FAM98B: variants seen among roughly 807,000 people sequenced by gnomAD.
FAM98B encodes the protein tRNA-splicing ligase complex subunit FAM98B.
A neutral mutation model predicts 43.9 loss-of-function variants in FAM98B; 32 were observed. That is an observed-to-expected ratio of 0.73 (90% CI 0.55 to 0.98). The LOEUF (loss-of-function observed/expected upper bound fraction) is 0.98. Among genes scored for constraint, FAM98B ranks in the 50% least tolerant of loss-of-function variants. The probability of loss-of-function intolerance (pLI) is 0.00; values close to 1 mark genes in which losing one functional copy is unlikely to be tolerated. For missense variants in FAM98B, 514 were observed against 522.9 expected (o/e 0.98, Z 0.17); for synonymous variants, 190 against 174.0 (o/e 1.09, Z -0.72).
chr15:38,481,765 C>T (rs970672622), intron 7 of FAM98B: 7 of 751,638 alleles, frequency 9.3e-6, no homozygotes, highest in Non-Finnish European at 1.4e-5. Context: ...AAGAATCTTT[C>T]GGAATTGTTT....
At position 38,484,312 on chromosome 15, in the gene FAM98B, C is replaced by T; in HGVS notation, c.955C>T (p.Pro319Ser). ...CCGGCCGAATGAAATTGAACCACCA[C>T]CTCCAGAAATGCCCCCTTGGCAAAA... ...GGRPNEIEPPPPEMPPWQKRQ... is the reference protein window; with the variant it reads ...GGRPNEIEPPSPEMPPWQKRQ... The change falls in exon 8 of 8, where the codon CCT (proline) becomes TCT (serine). Residue 319 changes from proline (P) to serine (S), a missense_variant. Around this residue, in one of 2 missense-constraint regions of FAM98B, gnomAD observed 469 missense variants for 451.8 expected, o/e 1.04. Transcript: ENST00000397609. The T allele has an allele frequency of 6.5e-7, 1 of 1,547,820 alleles. No individual in the cohort carries two copies. Among genetic ancestry groups the T allele is most frequent in the Non-Finnish European group, 8.7e-7 (1 of 1,146,454 alleles).
intron 6 of FAM98B, 33 bp downstream of exon 6, chr15:38,474,331 TG>T (rs1041976077): frequency 6.8e-7 from 1 of 1,461,708 alleles, no homozygotes; most frequent in African/African-American, 1.4e-5. Flanking sequence ...GTCCTGTAGG[TG>T]GTAGCCTATA....
At chr15:38,459,541 C>T (rs542584922) in intron 1 of FAM98B, 36 of 281,600 alleles carry the variant, frequency 1.3e-4, no homozygotes, top group South Asian at 1.1e-3. Context: ...TGTGCTCCAT[C>T]TAATTCCACA....
At chr15:38,475,004 G>A (rs1287181018) in intron 6 of FAM98B, among the ~76,000 whole-genome samples, 5 of 152,010 alleles carry the variant, frequency 3.3e-5, no homozygotes, top group Non-Finnish European at 5.9e-5. Flanking sequence ...GTTGTTTCAG[G>A]TGGGAGAGTT....
At chr15:38,468,408 T>G (rs1450475694) in intron 3 of FAM98B, among the ~76,000 whole-genome samples, 1 of 151,962 alleles carries the variant, frequency 6.6e-6, no homozygotes, top group Non-Finnish European at 1.5e-5. Flanking sequence ...AAAAATATTT[T>G]GTAAAGATGG....
chr15:38,487,223 T>G lies in FAM98B; in HGVS notation c.*2564T>G, dbSNP rs932172795. ...GGTTTTCTTTGAACTTACTTTTGTT[T>G]TGCAGATCAGGGAAACCTTGCCTCA... On this transcript the variant is annotated 3_prime_UTR_variant, in exon 8 of 8. Coordinates refer to ENST00000397609, the MANE Select transcript of FAM98B (RefSeq NM_173611.4). The G allele has an allele frequency of 1.1e-4, 17 of 152,090 alleles. No homozygotes were observed. The highest frequency in any genetic ancestry group is 1.1e-3 in the Admixed American group (17 of 15,264). 9.4% of individuals were successfully genotyped at this position (152,090 alleles called of 1,614,324 possible).
intron 5 of FAM98B, 30 bp downstream of exon 5, chr15:38,473,615 T>G: frequency 6.5e-7 from 1 of 1,532,802 alleles, no homozygotes; most frequent in Non-Finnish European, 9.0e-7. Flanking sequence ...ATTAGTTTTA[T>G]GTAATTACAT....
chr15:38,476,369 C>T lies in FAM98B; in HGVS notation c.729+2071C>T, dbSNP rs1225497257. Among the ~76,000 whole-genome samples, 7 of 151,236 alleles carry T rather than the reference C, an allele frequency of 4.6e-5. No individual in the cohort carries two copies. In the South Asian group the frequency reaches 1.5e-3, roughly 32 times the overall value. On this transcript the variant is annotated intron_variant, in intron 6 of 7. Coordinates refer to ENST00000397609, the MANE Select transcript of FAM98B (RefSeq NM_173611.4). ...TCTGAATTTTTTTTCATTCATTGTG[C>T]CCTACTAGATGGACCTTTCAATATG... is the stretch of plus-strand genomic sequence containing the variant.
At position 38,484,486 on chromosome 15, in the gene FAM98B, G is replaced by C. The variant is rs1210880628; in HGVS notation, c.1129G>C (p.Gly377Arg). ...GGGGGGGGGW[G>R]GGGGGGRGGF... ...TGGTGGGGGAGGGGGAGGAGGGTGG[G>C]GGGGAGGAGGAGGAGGTGGTAGAGG... The change falls in exon 8 of 8, where the codon GGG (glycine) becomes CGG (arginine). Residue 377 changes from glycine (G) to arginine (R), a missense_variant. Gly to Arg is a moderately radical substitution (Grantham distance 125). Transcript: ENST00000397609. 4.3e-5 allele frequency: 41 copies of C among 961,936 alleles called. No individual in the cohort carries two copies. Among genetic ancestry groups the C allele is most frequent in the East Asian group, 1.1e-4 (1 of 8,830 alleles). The allele number at this position is 961,936 out of a possible 1,614,324, so 59.6% of individuals were successfully genotyped here. A position where few individuals can be genotyped will look rare whatever the true frequency, so the allele number is the denominator to read the frequency against.
At chr15:38,455,866 G>A (rs1306271345) in intron 1 of FAM98B, among the ~76,000 whole-genome samples, 2 of 152,090 alleles carry the variant, frequency 1.3e-5, no homozygotes, top group Admixed American at 6.5e-5. Flanking sequence ...ATTCAACATG[G>A]AAAGTAAAAC....
intron 3 of FAM98B, among the ~76,000 whole-genome samples, chr15:38,468,930 G>A (rs1298627378): frequency 6.6e-6 from 1 of 152,052 alleles, no homozygotes; most frequent in East Asian, 1.9e-4. Context: ...TTTTTGAGAT[G>A]GAATCTTGAT....
At chr15:38,464,320 T>C (rs1889995382) in intron 2 of FAM98B, 143 bp downstream of exon 2, 2 of 763,566 alleles carry the variant, frequency 2.6e-6, no homozygotes, top group Non-Finnish European at 3.7e-6. Context: ...TAAACATTTT[T>C]GGATTAAATT....
At chr15:38,475,371 T>G (rs984214696) in intron 6 of FAM98B, among the ~76,000 whole-genome samples, 1 of 152,200 alleles carries the variant, frequency 6.6e-6, no homozygotes, top group Admixed American at 6.5e-5. Context: ...ACCACAAATT[T>G]AGTAGCTTAA....
intron 6 of FAM98B, among the ~76,000 whole-genome samples, chr15:38,480,970 A>G (rs1890273349): frequency 6.6e-6 from 1 of 152,078 alleles, no homozygotes; most frequent in Non-Finnish European, 1.5e-5. Flanking sequence ...TGCAAGATTT[A>G]CTGATGTTTC....
intron 6 of FAM98B, among the ~76,000 whole-genome samples, chr15:38,474,611 C>G (rs1224798652): frequency 6.6e-6 from 1 of 152,112 alleles, no homozygotes; most frequent in Non-Finnish European, 1.5e-5. Flanking sequence ...AAGAAGAAAG[C>G]AGGATATAAG....
In FAM98B at chr15:38,484,407, T is replaced by TG; in HGVS notation, c.1055dup (p.Gly353TrpfsTer32). On this transcript the variant is annotated frameshift_variant, in exon 8 of 8. Coordinates refer to ENST00000397609, the MANE Select transcript of FAM98B (RefSeq NM_173611.4). LOFTEE classifies it low-confidence loss of function (END_TRUNC). The stretch of plus-strand genomic sequence containing the variant: ...GTGGAGGTGGTGGTAGAGGAGGTGG[T>TG]GGGGGTGGGGGTGGGAGAGGTGGCT... 3 of 296,920 alleles carry TG rather than the reference T, an allele frequency of 1.0e-5. No individual in the cohort carries two copies. The highest frequency in any genetic ancestry group is 1.3e-5 in the Non-Finnish European group (3 of 225,840). The allele number at this position is 296,920 out of a possible 1,614,324, so 18.4% of individuals were successfully genotyped here.
Position 38,486,926 on chromosome 15 carries a change from G to T in FAM98B, c.*2267G>T, listed in dbSNP as rs1163909972. On this transcript the variant is annotated 3_prime_UTR_variant, in exon 8 of 8. Transcript: ENST00000397609. ...GGAGTATGATGAATGGCACTCCACT[G>T]CTTCCTAAAATCCAACACTTTTTTT... 1.3e-5 allele frequency: 2 copies of T among 152,064 alleles called. No individual in the cohort carries two copies. Among genetic ancestry groups the T allele is most frequent in the African/African-American group, 4.8e-5 (2 of 41,420 alleles). 9.4% of individuals were successfully genotyped at this position (152,064 alleles called of 1,614,324 possible).
At chr15:38,470,605 C>T (rs1440509263) in intron 4 of FAM98B, 200 bp downstream of exon 4, 2 of 409,484 alleles carry the variant, frequency 4.9e-6, no homozygotes, top group East Asian at 8.7e-5. Flanking sequence ...GGAATCAAAT[C>T]TTAATGAGTT....
intron 3 of FAM98B, among the ~76,000 whole-genome samples, chr15:38,468,475 A>G (rs940255387): frequency 2.0e-5 from 3 of 152,286 alleles, no homozygotes; most frequent in African/African-American, 7.2e-5. Flanking sequence ...CTCCTACCTT[A>G]GCCTCCCAAA....
Sources: gnomAD v4.1 joint callset for allele counts (sites outside exome capture counted in the v4.1 genomes callset) on GRCh38, gnomAD v4.1.1 for gene constraint, gnomAD v4.1.1 regional missense constraint, MANE v1.5 for transcripts, NCBI Gene and HGNC (gene_info 2026-07-23, HGNC 2026-07-21) for gene names.